ALDH1A2: variants seen among roughly 807,000 people sequenced by gnomAD.
ALDH1A2 encodes retinal dehydrogenase 2.
ALDH1A2 carries 27 observed loss-of-function variants against 60.3 expected under a neutral mutation model. That is an observed-to-expected ratio of 0.45 (90% CI 0.33 to 0.62). The LOEUF is 0.62. Among genes scored for constraint, ALDH1A2 ranks in the 20% least tolerant of loss-of-function variants. The pLI is 0.02. For synonymous variants in ALDH1A2, 289 were observed against 232.4 expected, an observed-to-expected ratio of 1.24 and a Z score of -2.21; for missense variants, 581 against 643.8, an observed-to-expected ratio of 0.90 and a Z score of 1.06.
chr15:58,000,141 C>T (rs1374399498), intron 4 of ALDH1A2, among the ~76,000 whole-genome samples: 1 of 151,906 alleles, frequency 6.6e-6, no homozygotes, highest in Non-Finnish European at 1.5e-5. Context: ...ACAGGTGCAG[C>T]AAACCACCAT....
At chr15:58,021,756 G>T (rs559921432) in intron 1 of ALDH1A2, among the ~76,000 whole-genome samples, 2 of 152,374 alleles carry the variant, frequency 1.3e-5, no homozygotes, top group East Asian at 3.9e-4. Flanking sequence ...GGACAGCAGG[G>T]CAAGCTGGGA....
At chr15:58,035,173 T>C (rs1285679209) in intron 1 of ALDH1A2, among the ~76,000 whole-genome samples, 1 of 151,772 alleles carries the variant, frequency 6.6e-6, no homozygotes, top group Non-Finnish European at 1.5e-5. Context: ...TCTTTGAGTT[T>C]TGGTAGAATG....
At chr15:57,990,912 C>T (rs1255068949) in intron 7 of ALDH1A2, among the ~76,000 whole-genome samples, 2 of 151,458 alleles carry the variant, frequency 1.3e-5, no homozygotes, top group African/African-American at 4.9e-5. Flanking sequence ...ATAGAAGCCT[C>T]TTGACTGACT....
At chr15:58,033,566 C>T (rs1485730786) in intron 1 of ALDH1A2, among the ~76,000 whole-genome samples, 2 of 151,820 alleles carry the variant, frequency 1.3e-5, no homozygotes, top group Non-Finnish European at 2.9e-5. Flanking sequence ...AATCTAATCA[C>T]TCTTCTCCAG....
chr15:57,970,890 T>G (rs1158032833), intron 7 of ALDH1A2, among the ~76,000 whole-genome samples: 1 of 152,204 alleles, frequency 6.6e-6, no homozygotes, highest in Non-Finnish European at 1.5e-5. Flanking sequence ...GTTCCAACTG[T>G]GTTGGGAATA....
Position 57,974,912 on chromosome 15 carries a change from C to T in ALDH1A2, c.799-9085G>A, listed in dbSNP as rs189139835. Among the ~76,000 whole-genome samples the T allele has an allele frequency of 3.3e-5, 5 of 152,250 alleles. No individual in the cohort carries two copies. The East Asian group carries it at 9.6e-4, about 29-fold the overall frequency. On this transcript the variant is annotated intron_variant, in intron 7 of 12. Coordinates refer to ENST00000249750, the MANE Select transcript of ALDH1A2 (RefSeq NM_003888.4). Reference sequence around the variant, plus strand: ...AAACAACGCTTGTCTCCAAAGTGTGCAAAGATTTAAAGATACTTCACCAGA... The same window carrying T: ...AAACAACGCTTGTCTCCAAAGTGTGTAAAGATTTAAAGATACTTCACCAGA...
intron 1 of ALDH1A2, among the ~76,000 whole-genome samples, chr15:58,042,016 G>T (rs1214067177): frequency 2.0e-5 from 3 of 151,842 alleles, no homozygotes; most frequent in African/African-American, 7.2e-5. Context: ...TGAATGGGGT[G>T]GAGGGACTAC....
intron 1 of ALDH1A2, among the ~76,000 whole-genome samples, chr15:58,019,575 A>G (rs1237072007): frequency 2.0e-5 from 3 of 152,224 alleles, no homozygotes; most frequent in African/African-American, 4.8e-5. Flanking sequence ...GTGATGCTGT[A>G]ACCGAAGGTA....
chr15:58,004,558 T>A (rs1459738434), intron 4 of ALDH1A2, among the ~76,000 whole-genome samples: 1 of 151,610 alleles, frequency 6.6e-6, no homozygotes, highest in Admixed American at 6.6e-5. Context: ...CTCTCACTTA[T>A]AAGTGAAAGC....
chr15:58,019,900 T>A (rs1319537010), intron 1 of ALDH1A2, among the ~76,000 whole-genome samples: 1 of 152,184 alleles, frequency 6.6e-6, no homozygotes, highest in African/African-American at 2.4e-5. Flanking sequence ...TGTGCCACGG[T>A]GGTTTGCTGC....
intron 1 of ALDH1A2, among the ~76,000 whole-genome samples, chr15:58,052,455 G>T (rs568974058): frequency 6.6e-6 from 1 of 152,008 alleles, no homozygotes; most frequent in South Asian, 2.1e-4. Context: ...GCTGTTACCA[G>T]GATTTATTTT....
chr15:57,956,131 T>G (rs1476726667), intron 12 of ALDH1A2, among the ~76,000 whole-genome samples: 1 of 152,104 alleles, frequency 6.6e-6, no homozygotes, highest in Non-Finnish European at 1.5e-5. Flanking sequence ...TTTTTCTTTT[T>G]GCCTTCCACC....
At chr15:57,965,876 C>T (rs1170207899) in intron 7 of ALDH1A2, 49 bp from the exon 8 acceptor site, 5 of 1,434,286 alleles carry the variant, frequency 3.5e-6, no homozygotes, top group Middle Eastern at 1.7e-4. Flanking sequence ...GCAGGTGAGA[C>T]AGTCACCGGC....
At chr15:58,008,011 T>C (rs1348653553) in intron 4 of ALDH1A2, among the ~76,000 whole-genome samples, 1 of 152,140 alleles carries the variant, frequency 6.6e-6, no homozygotes, top group Non-Finnish European at 1.5e-5. Flanking sequence ...AAAGACATTG[T>C]TGGCTGAATT....
intron 1 of ALDH1A2, among the ~76,000 whole-genome samples, chr15:58,031,930 T>G (rs1595678901): frequency 6.6e-6 from 1 of 152,198 alleles, no homozygotes; most frequent in Admixed American, 6.5e-5. Context: ...GTTCAACCAT[T>G]GTGGAAGTCA....
intron 7 of ALDH1A2, among the ~76,000 whole-genome samples, chr15:57,985,932 C>A (rs1237938487): frequency 9.2e-5 from 14 of 152,150 alleles, no homozygotes; most frequent in Admixed American, 9.2e-4. Context: ...AAATCAAGGG[C>A]TTTTCCAAAT....
At chr15:57,987,862 G>A (rs922913188) in intron 7 of ALDH1A2, among the ~76,000 whole-genome samples, 4 of 144,518 alleles carry the variant, frequency 2.8e-5, no homozygotes, top group Non-Finnish European at 4.5e-5. Context: ...CAGCCTGAGC[G>A]ACAGTGAGGC....
At chr15:57,978,591 G>GAAATATGAC (rs1894359743) in intron 7 of ALDH1A2, among the ~76,000 whole-genome samples, 1 of 152,070 alleles carries the variant, frequency 6.6e-6, no homozygotes, top group African/African-American at 2.4e-5. Context: ...GTTTTATTGT[G>GAAATATGAC]TTTGGTCCAC....
chr15:57,973,075 A>G (rs866319431), intron 7 of ALDH1A2, among the ~76,000 whole-genome samples: 3 of 152,212 alleles, frequency 2.0e-5, no homozygotes, highest in Non-Finnish European at 4.4e-5. Context: ...GCACGAATCA[A>G]TCTGGACTCT....
Sources: gnomAD v4.1 joint callset for allele counts (sites outside exome capture counted in the v4.1 genomes callset) on GRCh38, gnomAD v4.1.1 for gene constraint, MANE v1.5 for transcripts, NCBI Gene and HGNC (gene_info 2026-07-23, HGNC 2026-07-21) for gene names.